The following PGPEP1 variants were observed in gnomAD, a reference collection of about 807,000 sequenced individuals.
The protein encoded by PGPEP1 is pyroglutamyl-peptidase I.
In PGPEP1, 15 loss-of-function variants were observed where a neutral mutation model predicts 24.1. The observed-to-expected ratio is 0.62, with a 90% CI of 0.42 to 0.96. PGPEP1 has a LOEUF of 0.96. PGPEP1 is among the 40% of genes least tolerant of loss of function. The pLI, the probability that PGPEP1 is intolerant of heterozygous loss-of-function variation, is 0.00. For missense variants in PGPEP1, 242 were observed against 273.4 expected (o/e 0.89, Z 0.81); for synonymous variants, 122 against 116.4 (o/e 1.05, Z -0.31).
Position 18,362,580 on chromosome 19 carries a change from G to A in PGPEP1, c.438-811G>A, listed in dbSNP as rs1360323642. On this transcript the variant is annotated intron_variant, in intron 4 of 4. Transcript: ENST00000269919. The stretch of plus-strand genomic sequence containing the variant: ...GTCTCTACTAAAAATACAAAAATTA[G>A]CCAGACGTGGTGTGGCCCACGCCCG... 2.0e-5 allele frequency among the ~76,000 whole-genome samples: 3 copies of A among 150,754 alleles called. No individual in the cohort carries two copies. The East Asian group carries it at 5.9e-4, about 30-fold the overall frequency.
At chr19:18,357,344 G>A (rs767342983) in intron 3 of PGPEP1, 39 bp from the exon 4 acceptor site, 17 of 1,529,736 alleles carry the variant, frequency 1.1e-5, no homozygotes, top group African/African-American at 6.8e-5. Context: ...TGAGTCCCAC[G>A]GGCAGGCCAT....
At chr19:18,354,737 C>G (rs2144559639) in intron 2 of PGPEP1, among the ~76,000 whole-genome samples, 1 of 152,066 alleles carries the variant, frequency 6.6e-6, no homozygotes, top group Middle Eastern at 3.4e-3. Flanking sequence ...AGGCTGGTCT[C>G]AAACTCCTGG....
At chr19:18,346,865 C>A (rs1428342890) in intron 2 of PGPEP1, among the ~76,000 whole-genome samples, 1 of 151,626 alleles carries the variant, frequency 6.6e-6, no homozygotes, top group Non-Finnish European at 1.5e-5. Flanking sequence ...GTCTTGAACT[C>A]CCGACCTCAG....
chr19:18,361,820 G>A lies in PGPEP1; in HGVS notation c.438-1571G>A, dbSNP rs745603820. The A allele has an allele frequency of 2.3e-4, 227 of 985,152 alleles. 1 individual carries two copies. Among genetic ancestry groups the A allele is most frequent in the Non-Finnish European group, 2.6e-4 (219 of 829,868 alleles). 61.0% of individuals were successfully genotyped at this position (985,152 alleles called of 1,614,324 possible). A position where few individuals can be genotyped will look rare whatever the true frequency, so the allele number is the denominator to read the frequency against. On this transcript the variant is annotated intron_variant, in intron 4 of 4. Coordinates refer to ENST00000269919, the MANE Select transcript of PGPEP1 (RefSeq NM_017712.4). ...GTTTTGCTTTGCTTTTACGTGGATG[G>A]AGTCACATGGCGAAAGTCACACTTA...
intron 4 of PGPEP1, chr19:18,361,898 C>G: frequency 1.0e-6 from 1 of 984,472 alleles, no homozygotes; most frequent in Non-Finnish European, 1.2e-6. Flanking sequence ...ATGCATCTGG[C>G]GAGTTCTCCA....
rs1455774959 is a variant in PGPEP1, at chr19:18,368,692, C to A, written c.*5109C>A. On this transcript the variant is annotated 3_prime_UTR_variant, in exon 5 of 5. Coordinates refer to ENST00000269919, the MANE Select transcript of PGPEP1 (RefSeq NM_017712.4). ...TGGAAATCTGTCCCGCACAGCTGGC[C>A]CCCTTTTGGCTGCCACTGTCTAGAC... 1.3e-5 allele frequency: 2 copies of A among 153,026 alleles called. No homozygotes were observed. The highest frequency in any genetic ancestry group is 4.8e-5 in the African/African-American group (2 of 41,458). 9.5% of individuals were successfully genotyped at this position (153,026 alleles called of 1,614,324 possible).
chr19:18,358,959 G>C (rs1441478248), intron 4 of PGPEP1, among the ~76,000 whole-genome samples: 1 of 152,082 alleles, frequency 6.6e-6, no homozygotes, highest in East Asian at 1.9e-4. Context: ...CACGAATGTT[G>C]AGGGAGATGA....
At chr19:18,341,385 C>T (rs12459965) in intron 1 of PGPEP1, among the ~76,000 whole-genome samples, 35,574 of 152,144 alleles carry the variant, frequency 0.23, 4,955 homozygotes, top group East Asian at 0.45. Flanking sequence ...AACTGTTTCT[C>T]CTCCCTGAGA....
At chr19:18,361,219 C>G (rs1276891359) in intron 4 of PGPEP1, among the ~76,000 whole-genome samples, 1 of 151,252 alleles carries the variant, frequency 6.6e-6, no homozygotes, top group African/African-American at 2.4e-5. Flanking sequence ...CTCACCGCAA[C>G]CTCTGCCTCC....
chr19:18,359,508 CTTTTTTT>C (rs34626308), intron 4 of PGPEP1, among the ~76,000 whole-genome samples: 1 of 126,066 alleles, frequency 7.9e-6, no homozygotes, highest in African/African-American at 2.9e-5. Flanking sequence ...TCTTTCCAGT[CTTTTTTT>C]TTTTTTTTTT....
At chr19:18,353,130 G>T (rs1971085039) in intron 2 of PGPEP1, among the ~76,000 whole-genome samples, 1 of 151,666 alleles carries the variant, frequency 6.6e-6, no homozygotes, top group African/African-American at 2.4e-5. Context: ...CGTTGGCCAG[G>T]TTGATCTTGA....
chr19:18,344,067 A>T (rs1221185507), intron 2 of PGPEP1, among the ~76,000 whole-genome samples: 2 of 152,100 alleles, frequency 1.3e-5, no homozygotes, highest in African/African-American at 2.4e-5. Flanking sequence ...CCAAAGTGAG[A>T]ATTCTCTGGT....
At position 18,363,158 on chromosome 19, in the gene PGPEP1, C is replaced by T. The variant is rs139824473; in HGVS notation, c.438-233C>T. Among the ~76,000 whole-genome samples the T allele has an allele frequency of 8.8e-3, 1,336 of 151,876 alleles. 2 individuals are homozygous for T. The highest frequency in any genetic ancestry group is 0.016 in the South Asian group (79 of 4,812). On this transcript the variant is annotated intron_variant, in intron 4 of 4. Coordinates refer to ENST00000269919, the MANE Select transcript of PGPEP1 (RefSeq NM_017712.4). Reference sequence around the variant, plus strand: ...GCAGCCTTGACCTCCTGGGCTCAAACAATCCTCCCGCCTCAACCTCCTGAG... The same window carrying T: ...GCAGCCTTGACCTCCTGGGCTCAAATAATCCTCCCGCCTCAACCTCCTGAG...
chr19:18,345,936 C>T (rs1970829460), intron 2 of PGPEP1, among the ~76,000 whole-genome samples: 2 of 151,256 alleles, frequency 1.3e-5, no homozygotes, highest in East Asian at 1.9e-4. Flanking sequence ...TGCAGTAAGC[C>T]GAGATTGTGC....
intron 2 of PGPEP1, among the ~76,000 whole-genome samples, chr19:18,348,455 G>A (rs1342298555): frequency 6.6e-6 from 1 of 151,998 alleles, no homozygotes; most frequent in Non-Finnish European, 1.5e-5. Flanking sequence ...GCGTCTGCCC[G>A]AGCCCCGTCC....
rs1331116578 is a variant in PGPEP1, at chr19:18,355,835, G to A, written c.88-60G>A. 2.5e-5 allele frequency: 26 copies of A among 1,031,574 alleles called. 2 individuals are homozygous for A. Among genetic ancestry groups the A allele is most frequent in the South Asian group, 1.1e-4 (9 of 79,072 alleles). The allele number at this position is 1,031,574 out of a possible 1,614,324, so 63.9% of individuals were successfully genotyped here. ...GCCTGTTTGTTTCACCCCCCAGAGAGCGCATTATCCCCATAGCTGTCATCT... is the reference window on the plus strand; with the variant it reads ...GCCTGTTTGTTTCACCCCCCAGAGAACGCATTATCCCCATAGCTGTCATCT... On this transcript the variant is annotated intron_variant, in intron 2 of 4. Transcript: ENST00000269919.
chr19:18,344,238 A>AG (rs1367810701), intron 2 of PGPEP1, among the ~76,000 whole-genome samples: 1 of 151,852 alleles, frequency 6.6e-6, no homozygotes, highest in African/African-American at 2.4e-5. Flanking sequence ...TTAGGGGCCG[A>AG]GGGGGGCTGT....
chr19:18,357,289 C>A, intron 3 of PGPEP1, 94 bp from the exon 4 acceptor site: 2 of 813,806 alleles, frequency 2.5e-6, no homozygotes, highest in Non-Finnish European at 4.0e-6. Context: ...CCAGGCAGAG[C>A]TCATTAAGGA....
rs76545967 is a variant in PGPEP1, at chr19:18,359,773, A to G, written c.437+2158A>G. 2.3e-3 allele frequency among the ~76,000 whole-genome samples: 346 copies of G among 152,014 alleles called. 10 individuals carry two copies. In the East Asian group the frequency reaches 0.048, roughly 21 times the overall value. ...AGTGATCCACCCACCTCAGCCTCCC[A>G]AAGTGCTGGGATTATAGGCCTGAGC... On this transcript the variant is annotated intron_variant, in intron 4 of 4. Transcript: ENST00000269919.
Sources: allele counts gnomAD v4.1 joint callset (sites outside exome capture counted in the v4.1 genomes callset), GRCh38; gene constraint gnomAD v4.1.1; transcripts MANE v1.5; gene names NCBI Gene and HGNC (gene_info 2026-07-23, HGNC 2026-07-21).